LYPLA1: variants seen among roughly 807,000 people sequenced by gnomAD.
LYPLA1 encodes acyl-protein thioesterase 1.
A neutral mutation model predicts 34.0 loss-of-function variants in LYPLA1; 17 were observed. That is an observed-to-expected ratio of 0.50 (90% CI 0.34 to 0.75). The LOEUF is 0.75. Among genes scored for constraint, LYPLA1 ranks in the 30% least tolerant of loss-of-function variants. The pLI, the probability that LYPLA1 is intolerant of heterozygous loss-of-function variation, is 0.01. For missense variants in LYPLA1, 203 were observed against 288.8 expected (o/e 0.70, Z 2.15); for synonymous variants, 98 against 100.8 (o/e 0.97, Z 0.17).
At chr8:54,100,996 T>C (rs1018210418) in intron 1 of LYPLA1, 57 bp from the exon 2 acceptor site, 1 of 1,386,434 alleles carries the variant, frequency 7.2e-7, no homozygotes, top group Non-Finnish European at 1.0e-6. Context: ...CACAGGATTG[T>C]TACACACTAG....
rs1409933491 is a variant in LYPLA1 at position 54,047,248 on chromosome 8, T to C, written c.*817A>G. 6.6e-6 allele frequency: 1 copy of C among 152,206 alleles called. No individual in the cohort carries two copies. Among genetic ancestry groups the C allele is most frequent in the Non-Finnish European group, 1.5e-5 (1 of 67,990 alleles). 9.4% of individuals were successfully genotyped at this position (152,206 alleles called of 1,614,324 possible). A position where few individuals can be genotyped will look rare whatever the true frequency, so the allele number is the denominator to read the frequency against. On this transcript the variant is annotated 3_prime_UTR_variant, in exon 9 of 9. Coordinates refer to ENST00000316963, the MANE Select transcript of LYPLA1 (RefSeq NM_006330.4). ...TCGAAATAAGTAGTGCATGAAGTTT[T>C]AATGTCTGGTTTCTCTATAAAGCAT...
chr8:54,059,035 G>C (rs1159679019), intron 5 of LYPLA1, among the ~76,000 whole-genome samples: 1 of 152,184 alleles, frequency 6.6e-6, no homozygotes, highest in Non-Finnish European at 1.5e-5. Flanking sequence ...GAAGTAACAA[G>C]TATTTCATAG....
chr8:54,072,579 T>G (rs900231886), intron 2 of LYPLA1, among the ~76,000 whole-genome samples: 2 of 151,934 alleles, frequency 1.3e-5, no homozygotes, highest in African/African-American at 4.8e-5. Context: ...AGCCATTCTT[T>G]TATTCCTTTA....
At chr8:54,084,186 A>C (rs1222081490) in intron 2 of LYPLA1, among the ~76,000 whole-genome samples, 1 of 145,882 alleles carries the variant, frequency 6.9e-6, no homozygotes, top group Non-Finnish European at 1.5e-5. Flanking sequence ...TCAAATTAAC[A>C]ACCTAATCTT....
At chr8:54,068,801 G>A (rs1410066755) in intron 2 of LYPLA1, among the ~76,000 whole-genome samples, 3 of 151,914 alleles carry the variant, frequency 2.0e-5, no homozygotes, top group Non-Finnish European at 4.4e-5. Context: ...AAGCACAACC[G>A]ACAAGAAAAA....
chr8:54,093,007 A>G (rs1057249874), intron 2 of LYPLA1, among the ~76,000 whole-genome samples: 1 of 152,210 alleles, frequency 6.6e-6, no homozygotes, highest in African/African-American at 2.4e-5. Flanking sequence ...CTCTCCTATC[A>G]GTCCCAATCA....
chr8:54,097,997 C>G (rs1403573452), intron 2 of LYPLA1, among the ~76,000 whole-genome samples: 1 of 151,688 alleles, frequency 6.6e-6, no homozygotes. Flanking sequence ...CCAAGGCGGG[C>G]AGATCGCTTG....
chr8:54,046,679 G>A lies in LYPLA1; in HGVS notation c.*1386C>T, dbSNP rs1226673569. ...TTTATAAAGATGCATTCTTAATATT[G>A]TTTTGGTCAGCTGGAATACAGCAGA... On this transcript the variant is annotated 3_prime_UTR_variant, in exon 9 of 9. Coordinates refer to ENST00000316963, the MANE Select transcript of LYPLA1 (RefSeq NM_006330.4). 6.6e-6 allele frequency: 1 copy of A among 152,382 alleles called. No homozygotes were observed. Among genetic ancestry groups the A allele is most frequent in the Non-Finnish European group, 1.5e-5 (1 of 67,980 alleles). 9.4% of individuals were successfully genotyped at this position (152,382 alleles called of 1,614,324 possible). A position where few individuals can be genotyped will look rare whatever the true frequency, so the allele number is the denominator to read the frequency against.
At chr8:54,084,217 A>G (rs1808539434) in intron 2 of LYPLA1, among the ~76,000 whole-genome samples, 1 of 149,322 alleles carries the variant, frequency 6.7e-6, no homozygotes, top group South Asian at 2.1e-4. Context: ...AAAAACCAAA[A>G]CCAAAAAACT....
intron 2 of LYPLA1, among the ~76,000 whole-genome samples, chr8:54,098,604 C>T (rs1006614274): frequency 1.1e-4 from 17 of 152,146 alleles, no homozygotes; most frequent in African/African-American, 3.4e-4. Context: ...TCACTTGAAC[C>T]CGAGTGGCAG....
Position 54,051,025 on chromosome 8 carries a change from C to CTG in LYPLA1, c.624_625dup (p.Ser209ThrfsTer8), listed in dbSNP as rs1805803277. ...CTAGACACCTACCTGTTGACACGAACTGTGCATCATACCTTCATAGGTTTT... is the reference window on the plus strand; with the variant it reads ...CTAGACACCTACCTGTTGACACGAACTGTGTGCATCATACCTTCATAGGTTTT... On this transcript the variant is annotated frameshift_variant, in exon 8 of 9. Coordinates refer to ENST00000316963, the MANE Select transcript of LYPLA1 (RefSeq NM_006330.4). LOFTEE classifies it high-confidence loss of function. 6.2e-7 allele frequency: 1 copy of CTG among 1,609,714 alleles called. No individual in the cohort carries two copies. The highest frequency in any genetic ancestry group is 1.3e-5 in the African/African-American group (1 of 74,834).
At chr8:54,096,861 T>C (rs146031728) in intron 2 of LYPLA1, among the ~76,000 whole-genome samples, 13 of 152,208 alleles carry the variant, frequency 8.5e-5, no homozygotes, top group South Asian at 4.1e-4. Flanking sequence ...TGAGCCGAGA[T>C]TGCACCACTG....
chr8:54,092,752 T>G (rs1002164013), intron 2 of LYPLA1, among the ~76,000 whole-genome samples: 1 of 152,150 alleles, frequency 6.6e-6, no homozygotes, highest in Non-Finnish European at 1.5e-5. Flanking sequence ...GAAGCCAAGG[T>G]GGACAGACTG....
intron 6 of LYPLA1, 59 bp from the exon 7 acceptor site, chr8:54,052,815 G>T: frequency 1.9e-6 from 2 of 1,032,030 alleles, no homozygotes; most frequent in Non-Finnish European, 3.0e-6. Flanking sequence ...AGCAATTTAG[G>T]GAATATCTTG....
In LYPLA1 at chr8:54,054,335, A is replaced by G. The variant is rs148457295; in HGVS notation, c.360+725T>C. The stretch of plus-strand genomic sequence containing the variant: ...TATGTCACAATGTGTATTACAATAT[A>G]CATTATCTGTGAATTTCAACAAACA... On this transcript the variant is annotated intron_variant, in intron 6 of 8. Transcript: ENST00000316963. 108 of 153,058 alleles carry G rather than the reference A, an allele frequency of 7.1e-4. No homozygotes were observed. In the South Asian group the frequency reaches 7.4e-3, roughly 10 times the overall value. The allele number at this position is 153,058 out of a possible 1,614,324, so 9.5% of individuals were successfully genotyped here.
chr8:54,070,255 C>A (rs760464231), intron 2 of LYPLA1, among the ~76,000 whole-genome samples: 1 of 152,152 alleles, frequency 6.6e-6, no homozygotes, highest in Non-Finnish European at 1.5e-5. Flanking sequence ...GCGGAAGTTG[C>A]GGTGAGCCGA....
At chr8:54,100,116 C>T (rs950206333) in intron 2 of LYPLA1, 3 of 152,130 alleles carry the variant, frequency 2.0e-5, no homozygotes, top group African/African-American at 7.2e-5. Context: ...CAGATTATCA[C>T]CAATTTAAAT....
chr8:54,089,094 C>A (rs925190905), intron 2 of LYPLA1, among the ~76,000 whole-genome samples: 3 of 152,084 alleles, frequency 2.0e-5, no homozygotes, highest in South Asian at 2.1e-4. Flanking sequence ...TGTTGGGTTT[C>A]TTTTGGGGAT....
chr8:54,079,362 T>C (rs1808142010), intron 2 of LYPLA1, among the ~76,000 whole-genome samples: 1 of 152,132 alleles, frequency 6.6e-6, no homozygotes, highest in Admixed American at 6.6e-5. Context: ...TTAATGTGTA[T>C]AATAAGCAAT....
Sources: gnomAD v4.1 joint callset for allele counts (sites outside exome capture counted in the v4.1 genomes callset) on GRCh38, gnomAD v4.1.1 for gene constraint, MANE v1.5 for transcripts, NCBI Gene and HGNC (gene_info 2026-07-23, HGNC 2026-07-21) for gene names.